The following TTC28 variants were observed in gnomAD, a reference collection of about 807,000 sequenced individuals.
TTC28 encodes the protein tetratricopeptide repeat domain 28.
A neutral mutation model predicts 198.0 loss-of-function variants in TTC28; 61 were observed. The observed-to-expected ratio is 0.31, with a 90% CI of 0.25 to 0.38. TTC28 has a LOEUF of 0.38. Among genes scored for constraint, TTC28 ranks in the 10% least tolerant of loss-of-function variants. The probability of loss-of-function intolerance (pLI) is 1.00; values close to 1 mark genes in which losing one functional copy is unlikely to be tolerated. For missense variants in TTC28, 2,678 were observed against 3,164.0 expected, an observed-to-expected ratio of 0.85 and a Z score of 3.69; for synonymous variants, 1,171 against 1,297.8, an observed-to-expected ratio of 0.90 and a Z score of 2.10.
At chr22:28,043,135 T>G (rs575284218) in intron 12 of TTC28, among the ~76,000 whole-genome samples, 100 of 147,936 alleles carry the variant, frequency 6.8e-4, no homozygotes, top group African/African-American at 2.4e-3. Context: ...TCCCAGCTAC[T>G]CGGGAGGCTG....
intron 2 of TTC28, among the ~76,000 whole-genome samples, chr22:28,575,983 C>T (rs1221363775): frequency 6.6e-6 from 1 of 151,982 alleles, no homozygotes; most frequent in African/African-American, 2.4e-5. Flanking sequence ...AATTTGGATG[C>T]TTTTTATTTC....
At chr22:28,141,502 G>A (rs17407481) in intron 6 of TTC28, among the ~76,000 whole-genome samples, 3,181 of 152,016 alleles carry the variant, frequency 0.021, 52 homozygotes, top group Non-Finnish European at 0.031. Context: ...GTAAGAAAGC[G>A]GATACATATA....
At position 27,998,997 on chromosome 22, in the gene TTC28, C is replaced by T. The variant is rs75173815; in HGVS notation, c.4662G>A (p.Ser1554=). ...CCATGCTGGGCGTGAGGACCAAGGC[C>T]GACAGCTTCCAGGAGATGTGGGTGG... ...HFATHISWKL[S]ALVLTPSMDG... Residue 1554 remains serine, a synonymous_variant, in exon 16 of 23, where the codon TCG becomes TCA. Transcript: ENST00000397906. The T allele has an allele frequency of 0.027, 41,686 of 1,550,528 alleles. 637 individuals carry two copies. The highest frequency in any genetic ancestry group is 0.031 in the Non-Finnish European group (35,196 of 1,146,988).
At chr22:28,611,640 C>T (rs2050821632) in intron 2 of TTC28, among the ~76,000 whole-genome samples, 1 of 144,054 alleles carries the variant, frequency 6.9e-6, no homozygotes, top group African/African-American at 2.5e-5. Flanking sequence ...GTATATCTCC[C>T]AATGCTATCC....
chr22:28,317,645 A>G (rs910342102), intron 2 of TTC28, among the ~76,000 whole-genome samples: 1 of 152,226 alleles, frequency 6.6e-6, no homozygotes, highest in East Asian at 1.9e-4. Context: ...TGCTCTCATG[A>G]GCTCACTCCT....
intron 2 of TTC28, among the ~76,000 whole-genome samples, chr22:28,504,016 A>G (rs1236436092): frequency 3.3e-5 from 5 of 152,228 alleles, no homozygotes; most frequent in Non-Finnish European, 5.9e-5. Context: ...GAGTCAATAG[A>G]CTAATGTAAA....
intron 2 of TTC28, among the ~76,000 whole-genome samples, chr22:28,395,440 T>C (rs1320522336): frequency 6.6e-6 from 1 of 152,114 alleles, no homozygotes; most frequent in African/African-American, 2.4e-5. Context: ...GAGCCCATCC[T>C]GGCTAACGCG....
At chr22:28,591,028 C>T (rs2050418993) in intron 2 of TTC28, among the ~76,000 whole-genome samples, 2 of 77,362 alleles carry the variant, frequency 2.6e-5, no homozygotes, top group African/African-American at 5.1e-5. Flanking sequence ...CACACACACA[C>T]ACACACACAC....
chr22:28,210,399 T>C (rs1303632527), intron 5 of TTC28, among the ~76,000 whole-genome samples: 1 of 152,110 alleles, frequency 6.6e-6, no homozygotes, highest in African/African-American at 2.4e-5. Flanking sequence ...GAGAAAAGAT[T>C]GGACGAGTGG....
At chr22:28,592,516 G>A (rs2050451968) in intron 2 of TTC28, among the ~76,000 whole-genome samples, 1 of 151,884 alleles carries the variant, frequency 6.6e-6, no homozygotes, top group Admixed American at 6.6e-5. Context: ...AGGTAAAGTG[G>A]GCCTAAGTTG....
intron 2 of TTC28, among the ~76,000 whole-genome samples, chr22:28,591,186 G>A (rs2050430037): frequency 1.3e-5 from 2 of 149,236 alleles, no homozygotes; most frequent in African/African-American, 4.9e-5. Flanking sequence ...ATGGCTCACT[G>A]CACCCTTAAC....
At chr22:28,340,933 C>G (rs1056900243) in intron 2 of TTC28, among the ~76,000 whole-genome samples, 3 of 152,148 alleles carry the variant, frequency 2.0e-5, no homozygotes, top group Non-Finnish European at 4.4e-5. Context: ...TTGGTTGTTG[C>G]TCAGATGCCT....
chr22:28,057,093 T>A (rs1940320355), intron 12 of TTC28, among the ~76,000 whole-genome samples: 2 of 152,230 alleles, frequency 1.3e-5, no homozygotes, highest in South Asian at 4.1e-4. Context: ...ATAAAGCTGC[T>A]AATGACATTT....
intron 2 of TTC28, among the ~76,000 whole-genome samples, chr22:28,581,480 TA>T (rs576835888): frequency 5.9e-5 from 9 of 152,316 alleles, no homozygotes; most frequent in Admixed American, 5.2e-4. Flanking sequence ...AAAGGATAAA[TA>T]ATACATTTTA....
intron 12 of TTC28, among the ~76,000 whole-genome samples, chr22:28,050,207 G>C (rs1001215801): frequency 6.6e-6 from 1 of 152,032 alleles, no homozygotes; most frequent in Admixed American, 6.5e-5. Flanking sequence ...CTTGAATCAG[G>C]CCTGTTCATT....
chr22:28,433,588 T>C (rs1431529073), intron 2 of TTC28, among the ~76,000 whole-genome samples: 2 of 152,212 alleles, frequency 1.3e-5, no homozygotes, highest in African/African-American at 4.8e-5. Context: ...AAATAATATT[T>C]GTGTCACTAA....
chr22:28,026,137 A>G (rs978971366), intron 13 of TTC28, among the ~76,000 whole-genome samples: 3 of 152,198 alleles, frequency 2.0e-5, no homozygotes, highest in African/African-American at 7.2e-5. Flanking sequence ...CTCTGGGAGC[A>G]CTACTGCCTC....
At chr22:28,558,489 C>A (rs989274480) in intron 2 of TTC28, among the ~76,000 whole-genome samples, 3 of 151,908 alleles carry the variant, frequency 2.0e-5, no homozygotes, top group African/African-American at 7.3e-5. Context: ...GCCTGACCAA[C>A]ATGGTGCAAC....
Position 28,058,681 on chromosome 22 carries a change from TA to T in TTC28, c.3933-28316del, listed in dbSNP as rs1940392396. Among the ~76,000 whole-genome samples, 4 of 152,226 alleles carry T rather than the reference TA, an allele frequency of 2.6e-5. No homozygotes were observed. In the South Asian group the frequency reaches 8.3e-4, roughly 32 times the overall value. On this transcript the variant is annotated intron_variant, in intron 12 of 22. Coordinates refer to ENST00000397906, the MANE Select transcript of TTC28 (RefSeq NM_001145418.2). Reference sequence around the variant, plus strand: ...CCTCTTCTATTTTCAGCAGTTTGTGTAAAATTGTAGGGTTTTTTCTTAAATA... The same window carrying T: ...CCTCTTCTATTTTCAGCAGTTTGTGTAAATTGTAGGGTTTTTTCTTAAATA...
Sources: allele counts gnomAD v4.1 joint callset (sites outside exome capture counted in the v4.1 genomes callset), GRCh38; gene constraint gnomAD v4.1.1; transcripts MANE v1.5; gene names NCBI Gene and HGNC (gene_info 2026-07-23, HGNC 2026-07-21).